Variants in GRIK2 observed in about 807,000 individuals in gnomAD.
GRIK2 encodes the protein glutamate receptor ionotropic, kainate 2.
In GRIK2, 32 loss-of-function variants were observed where a neutral mutation model predicts 100.3. That is an observed-to-expected ratio of 0.32 (90% confidence interval 0.24 to 0.43). GRIK2 has a LOEUF of 0.43. Among genes scored for constraint, GRIK2 ranks in the 20% least tolerant of loss-of-function variants. The pLI is 1.00. For missense variants in GRIK2, 843 were observed against 1,114.9 expected, an observed-to-expected ratio of 0.76 and a Z score of 3.47; for synonymous variants, 417 against 389.4, an observed-to-expected ratio of 1.07 and a Z score of -0.83.
intron 16 of GRIK2, among the ~76,000 whole-genome samples, chr6:102,067,719 T>G (rs116695091): frequency 0.018 from 2,811 of 151,968 alleles, 87 homozygotes; most frequent in African/African-American, 0.064. Context: ...AATATTTGTT[T>G]GTAGATGTCT....
At chr6:101,967,108 T>G (rs939682371) in intron 14 of GRIK2, among the ~76,000 whole-genome samples, 1 of 151,804 alleles carries the variant, frequency 6.6e-6, no homozygotes, top group Non-Finnish European at 1.5e-5. Flanking sequence ...AATATATTTT[T>G]ATAATATTAA....
At chr6:101,711,088 G>GA (rs1037846161) in intron 7 of GRIK2, among the ~76,000 whole-genome samples, 3 of 151,718 alleles carry the variant, frequency 2.0e-5, no homozygotes, top group African/African-American at 7.3e-5. Flanking sequence ...GTTCACAAGG[G>GA]AAAAACACCT....
At chr6:101,700,387 A>G (rs918553691) in intron 7 of GRIK2, among the ~76,000 whole-genome samples, 22 of 152,092 alleles carry the variant, frequency 1.4e-4, no homozygotes, top group Non-Finnish European at 2.9e-4. Flanking sequence ...ATATAAACAT[A>G]AAATAGCATT....
chr6:101,673,141 A>C (rs1770565461), intron 4 of GRIK2, among the ~76,000 whole-genome samples: 1 of 152,162 alleles, frequency 6.6e-6, no homozygotes, highest in South Asian at 2.1e-4. Flanking sequence ...TCCAGAATCT[A>C]CAAGGAACTC....
chr6:101,570,776 A>G (rs1035854468), intron 2 of GRIK2, among the ~76,000 whole-genome samples: 1 of 152,026 alleles, frequency 6.6e-6, no homozygotes. Context: ...AACTTGGCTG[A>G]CCTCCAGGGC....
intron 12 of GRIK2, among the ~76,000 whole-genome samples, chr6:101,906,743 TACA>T (rs966107279): frequency 6.6e-6 from 1 of 151,648 alleles, no homozygotes; most frequent in African/African-American, 2.4e-5. Flanking sequence ...TACACCGGAG[TACA>T]ACAAGTAGCA....
At position 101,548,494 on chromosome 6, in the gene GRIK2, T is replaced by G. The variant is rs533031552; in HGVS notation, c.116-73455T>G. The stretch of plus-strand genomic sequence containing the variant: ...CTTTAATCCATCTTGAATTAATTTT[T>G]GTATAAGGTGTAAGGAAGGGGTCCA... On this transcript the variant is annotated intron_variant, in intron 2 of 16. Transcript: ENST00000369134. Among the ~76,000 whole-genome samples the G allele has an allele frequency of 4.6e-5, 7 of 152,340 alleles. No homozygotes were observed. The South Asian group carries it at 1.4e-3, about 32-fold the overall frequency.
At chr6:101,525,362 C>T (rs1027151895) in intron 2 of GRIK2, among the ~76,000 whole-genome samples, 4 of 152,104 alleles carry the variant, frequency 2.6e-5, no homozygotes, top group Non-Finnish European at 5.9e-5. Flanking sequence ...GTTAAGACAG[C>T]TATGTGAGTT....
At chr6:101,986,984 T>TA (rs1794048307) in intron 14 of GRIK2, among the ~76,000 whole-genome samples, 1 of 151,344 alleles carries the variant, frequency 6.6e-6, no homozygotes, top group Non-Finnish European at 1.5e-5. Context: ...TATTAAAAAA[T>TA]AAAATAAAAT....
At chr6:102,056,969 G>A (rs1771493726) in intron 16 of GRIK2, among the ~76,000 whole-genome samples, 1 of 151,800 alleles carries the variant, frequency 6.6e-6, no homozygotes, top group African/African-American at 2.4e-5. Context: ...TGCTTGCTTG[G>A]CTAACTCAAA....
intron 1 of GRIK2, among the ~76,000 whole-genome samples, chr6:101,396,252 C>CG (rs1345429797): frequency 1.3e-5 from 2 of 150,168 alleles, no homozygotes; most frequent in Non-Finnish European, 3.0e-5. Flanking sequence ...TCCCCCCCCC[C>CG]CCAGGAAGTG....
chr6:101,738,020 A>G (rs1334095772), intron 7 of GRIK2, among the ~76,000 whole-genome samples: 2 of 152,164 alleles, frequency 1.3e-5, no homozygotes, highest in Non-Finnish European at 2.9e-5. Flanking sequence ...AGATTGAGAC[A>G]TATGTCTTCT....
In GRIK2 at chr6:101,785,585, C is replaced by T. The variant is rs146151689; in HGVS notation, c.952-14063C>T. On this transcript the variant is annotated intron_variant, in intron 7 of 16. Coordinates refer to ENST00000369134, the MANE Select transcript of GRIK2 (RefSeq NM_021956.5). ...TTTATTGAAGAACCTATTCTGTTTC[C>T]GACGTATATTCTTGGCTCCTTTTCA... Among the ~76,000 whole-genome samples the T allele has an allele frequency of 1.9e-3, 281 of 151,826 alleles. 1 individual carries two copies. The highest frequency in any genetic ancestry group is 0.015 in the East Asian group (80 of 5,164).
Position 101,950,198 on chromosome 6 carries a change from T to G in GRIK2, c.2085+21566T>G, listed in dbSNP as rs554495993. On this transcript the variant is annotated intron_variant, in intron 14 of 16. Transcript: ENST00000369134. Reference sequence around the variant, plus strand: ...TTGGGACTACAAAATGTGTTTCCATTTTGTTGTTGTTGCTGGTAATAAATC... The same window carrying G: ...TTGGGACTACAAAATGTGTTTCCATGTTGTTGTTGTTGCTGGTAATAAATC... 2.6e-5 allele frequency among the ~76,000 whole-genome samples: 4 copies of G among 152,062 alleles called. No individual in the cohort carries two copies. In the South Asian group the frequency reaches 8.3e-4, roughly 32 times the overall value.
intron 10 of GRIK2, among the ~76,000 whole-genome samples, chr6:101,858,376 A>ATTTTTTT (rs66505184): frequency 1.6e-5 from 2 of 125,466 alleles, no homozygotes. Flanking sequence ...CTCTCTCTCT[A>ATTTTTTT]TTTTTTTTTC....
rs1031515065 is a variant in GRIK2, at chr6:102,058,615, C to A, written c.2562+3035C>A. Among the ~76,000 whole-genome samples, 4 of 151,416 alleles carry A rather than the reference C, an allele frequency of 2.6e-5. No individual in the cohort carries two copies. The East Asian group carries it at 7.7e-4, about 29-fold the overall frequency. ...ATCTATATGGCTGTTTAACACATTACTTAATTTATTAAAATTAGCCATACG... is the reference window on the plus strand; with the variant it reads ...ATCTATATGGCTGTTTAACACATTAATTAATTTATTAAAATTAGCCATACG... On this transcript the variant is annotated intron_variant, in intron 16 of 16. Coordinates refer to ENST00000369134, the MANE Select transcript of GRIK2 (RefSeq NM_021956.5).
intron 7 of GRIK2, among the ~76,000 whole-genome samples, chr6:101,757,023 C>T (rs1476110740): frequency 2.1e-4 from 32 of 152,076 alleles, no homozygotes; most frequent in Admixed American, 2.1e-3. Flanking sequence ...TTTGTAAAAA[C>T]TCTAGTGGTT....
intron 10 of GRIK2, among the ~76,000 whole-genome samples, chr6:101,821,899 T>C (rs1293896163): frequency 6.6e-6 from 1 of 152,102 alleles, no homozygotes; most frequent in East Asian, 1.9e-4. Context: ...ATTTCTCCCA[T>C]ATCCCTATCA....
chr6:102,055,013 A>G (rs561685600), intron 15 of GRIK2, among the ~76,000 whole-genome samples: 5 of 152,254 alleles, frequency 3.3e-5, no homozygotes, highest in African/African-American at 1.2e-4. Flanking sequence ...TGAATGAAAC[A>G]TCTTTGCACT....
Sources: allele counts gnomAD v4.1 joint callset (sites outside exome capture counted in the v4.1 genomes callset), GRCh38; gene constraint gnomAD v4.1.1; transcripts MANE v1.5; gene names NCBI Gene and HGNC (gene_info 2026-07-23, HGNC 2026-07-21).